Variants in SMIM22 observed in about 807,000 individuals in gnomAD.
SMIM22 encodes the protein small integral membrane protein 22.
In SMIM22, 16 loss-of-function variants were observed where a neutral mutation model predicts 8.4. The observed-to-expected ratio is 1.90, with a 90% CI of 1.29 to 2.89. The LOEUF is 2.89. SMIM22 is among the 30% of genes most tolerant of loss of function. The pLI is 0.00. For missense variants in SMIM22, 159 were observed against 107.5 expected (o/e 1.48, Z -2.12); for synonymous variants, 67 against 47.6 (o/e 1.41, Z -1.68).
In SMIM22 at chr16:4,796,201, G is replaced by A; in HGVS notation, c.237G>A (p.Lys79=). 2 of 1,535,996 alleles carry A rather than the reference G, an allele frequency of 1.3e-6. No individual in the cohort carries two copies. Among genetic ancestry groups the A allele is most frequent in the South Asian group, 1.2e-5 (1 of 84,066 alleles). ...TGCTTCTCGTGCAGGAAAGACCCAA[G>A]GGAGTGGATAACTTGGCCCTGGAAC... The part of the protein sequence containing the change: ...RKVSPWKERP[K]GVDNLALEP Residue 79 remains lysine (K), a synonymous_variant, in exon 4 of 4, where the codon AAG becomes AAA. Coordinates refer to ENST00000586005, the MANE Select transcript of SMIM22 (RefSeq NM_001253794.2).
Position 4,796,033 on chromosome 16 carries a change from G to C in SMIM22, c.210G>C (p.Lys70Asn), listed in dbSNP as rs1398009446. 3 of 1,527,448 alleles carry C rather than the reference G, an allele frequency of 2.0e-6. No homozygotes were observed. In the African/African-American group the frequency reaches 4.1e-5, roughly 21 times the overall value. 94.6% of individuals were successfully genotyped at this position (1,527,448 alleles called of 1,614,324 possible). The change falls in exon 3 of 4, where the codon AAG becomes AAC. Residue 70 changes from lysine (K) to asparagine (N), a missense_variant. Physicochemically the swap from Lys to Asn is moderately conservative, Grantham distance 94 (BLOSUM62 0). Coordinates refer to ENST00000586005, the MANE Select transcript of SMIM22 (RefSeq NM_001253794.2). ...GGCCCCGCAGGGAAAGCCCCAGGAA[G>C]GTGAGCCCCTGGAAGGTGAGCCCTG... ...SPGPRRESPR[K>N]VSPWKERPKG...
At chr16:4,794,344 T>TG (rs2082599291), upstream of SMIM22, among the ~76,000 whole-genome samples, 1 of 151,794 alleles carries the variant, frequency 6.6e-6, no homozygotes, top group Non-Finnish European at 1.5e-5. Context: ...CCTGACCTTG[T>TG]GATCCGCCTG....
At chr16:4,791,142 G>A (rs996341555), upstream of SMIM22, among the ~76,000 whole-genome samples, 1 of 152,230 alleles carries the variant, frequency 6.6e-6, no homozygotes, top group African/African-American at 2.4e-5. Context: ...TCCCATGTGA[G>A]CGATGGTCTA....
chr16:4,793,638 G>A (rs2082588559), upstream of SMIM22, among the ~76,000 whole-genome samples: 1 of 152,188 alleles, frequency 6.6e-6, no homozygotes, highest in African/African-American at 2.4e-5. Flanking sequence ...TTCCACATCT[G>A]TGGCTTCAGC....
intron 1 of SMIM22, 126 bp from the exon 2 acceptor site, chr16:4,795,589 T>C (rs1466477372): frequency 1.9e-6 from 2 of 1,042,760 alleles, no homozygotes; most frequent in African/African-American, 2.6e-5. Context: ...AGAAGTGGAG[T>C]GGGAGGGGGT....
At chr16:4,792,922 C>T (rs1251725425), upstream of SMIM22, among the ~76,000 whole-genome samples, 1 of 151,416 alleles carries the variant, frequency 6.6e-6, no homozygotes, top group Non-Finnish European at 1.5e-5. Context: ...CCAGCCTGGC[C>T]AACATGGTGA....
upstream of SMIM22, chr16:4,795,163 G>A (rs2082612741): frequency 7.3e-6 from 1 of 137,258 alleles, no homozygotes; most frequent in African/African-American, 2.7e-5. Context: ...CAGTGGCCAA[G>A]CACACAGGTG....
In SMIM22 at chr16:4,795,835, T is replaced by C. The variant is rs1233884013; in HGVS notation, c.101T>C (p.Phe34Ser). The part of the protein sequence containing the change: ...FFQSTWDTVA[F>S]IVFLTFMGTV... Reference sequence around the variant, plus strand: ...CAGTCCACATGGGACACTGTTGCCTTCATTGTTTTCCTCACCTTCATGGGT... The same window carrying C: ...CAGTCCACATGGGACACTGTTGCCTCCATTGTTTTCCTCACCTTCATGGGT... Residue 34 changes from phenylalanine (F) to serine (S), a missense_variant, in exon 2 of 4, where the codon TTC becomes TCC. Coordinates refer to ENST00000586005, the MANE Select transcript of SMIM22 (RefSeq NM_001253794.2). 46 of 1,535,068 alleles carry C rather than the reference T, an allele frequency of 3.0e-5. No homozygotes were observed. Among genetic ancestry groups the C allele is most frequent in the Non-Finnish European group, 4.0e-5 (46 of 1,146,384 alleles).
At chr16:4,790,767 C>T (rs191420721), upstream of SMIM22, among the ~76,000 whole-genome samples, 5 of 152,038 alleles carry the variant, frequency 3.3e-5, no homozygotes, top group Admixed American at 1.3e-4. Context: ...CCAGCCTGGG[C>T]GACAGAGTAA....
At position 4,796,427 on chromosome 16, in the gene SMIM22, C is replaced by T. The variant is rs1161932960; in HGVS notation, c.*196C>T. The stretch of plus-strand genomic sequence containing the variant: ...CTCAGTCACCTAGCTGGGAGGGGAG[C>T]TGGTCTCAGGCCGGGCGCGGTGGCT... On this transcript the variant is annotated 3_prime_UTR_variant, in exon 4 of 4. Transcript: ENST00000586005. 3.0e-6 allele frequency: 2 copies of T among 666,142 alleles called. No individual in the cohort carries two copies. Among genetic ancestry groups the T allele is most frequent in the South Asian group, 1.9e-5 (1 of 52,164 alleles). 41.3% of individuals were successfully genotyped at this position (666,142 alleles called of 1,614,324 possible).
intron 1 of SMIM22, 60 bp downstream of exon 1, chr16:4,795,509 T>C (rs1359934525): frequency 3.4e-6 from 2 of 583,840 alleles, no homozygotes; most frequent in Non-Finnish European, 5.7e-6. Context: ...TGACAGTGGC[T>C]GGGGAGAAGG....
intron 2 of SMIM22, among the ~76,000 whole-genome samples, chr16:4,789,451 G>A (rs1325110543): frequency 6.6e-6 from 1 of 150,918 alleles, no homozygotes; most frequent in Non-Finnish European, 1.5e-5. Context: ...TCAGCCTCCC[G>A]AGTAGCTGGG....
At chr16:4,791,115 T>C (rs564655402), upstream of SMIM22, among the ~76,000 whole-genome samples, 2 of 152,308 alleles carry the variant, frequency 1.3e-5, no homozygotes, top group East Asian at 1.9e-4. Context: ...GAGAAAACAC[T>C]TTCTCCAGGA....
chr16:4,788,668 T>C (rs1408768204), intron 1 of SMIM22: 1 of 152,170 alleles, frequency 6.6e-6, no homozygotes, highest in Non-Finnish European at 1.5e-5. Flanking sequence ...GTCAAAAACA[T>C]GAAGAGATTG....
In SMIM22 at chr16:4,789,198, G is replaced by T. The variant is rs1263871616; in HGVS notation, c.-146+427G>T. 2.6e-5 allele frequency among the ~76,000 whole-genome samples: 4 copies of T among 152,116 alleles called. No homozygotes were observed. The East Asian group carries it at 7.7e-4, about 29-fold the overall frequency. On this transcript the variant is annotated intron_variant, in intron 2 of 5. Transcript: ENST00000589327. ...ACGCTAATTTTGTATTTTTAGTAGA[G>T]AAGGGGTTTCACCACATTGGTCAGG...
At chr16:4,795,625 C>G (rs368541330) in intron 1 of SMIM22, 90 bp from the exon 2 acceptor site, 1 of 1,433,746 alleles carries the variant, frequency 7.0e-7, no homozygotes, top group Non-Finnish European at 9.2e-7. Context: ...GGGCCAGGAG[C>G]GGGCAGTGGC....
chr16:4,791,648 G>A (rs1341074148), upstream of SMIM22, among the ~76,000 whole-genome samples: 1 of 152,140 alleles, frequency 6.6e-6, no homozygotes, highest in East Asian at 1.9e-4. Flanking sequence ...TCCTCCTCCT[G>A]TTACTGTCCT....
upstream of SMIM22, among the ~76,000 whole-genome samples, chr16:4,792,404 A>G (rs1173168206): frequency 4.7e-5 from 7 of 148,886 alleles, no homozygotes; most frequent in Non-Finnish European, 7.5e-5. Flanking sequence ...GTTAGCCAGG[A>G]TGGTCTCGAT....
upstream of SMIM22, among the ~76,000 whole-genome samples, chr16:4,790,615 C>G (rs921908045): frequency 2.0e-5 from 3 of 152,242 alleles, no homozygotes; most frequent in Admixed American, 2.0e-4. Flanking sequence ...TGGCGAAACC[C>G]CATCTCTACT....
Sources: allele counts gnomAD v4.1 joint callset (sites outside exome capture counted in the v4.1 genomes callset), GRCh38; gene constraint gnomAD v4.1.1; transcripts MANE v1.5; gene names NCBI Gene and HGNC (gene_info 2026-07-23, HGNC 2026-07-21).